GET4: variants seen among roughly 807,000 people sequenced by gnomAD.
The protein encoded by GET4 is guided entry of tail-anchored proteins factor 4.
GET4 carries 20 observed loss-of-function variants against 40.0 expected under a neutral mutation model. That is an observed-to-expected ratio of 0.50 (90% CI 0.35 to 0.73). The LOEUF (loss-of-function observed/expected upper bound fraction) is 0.73, where lower values mean the gene tolerates loss of function less well. Ranked by LOEUF, GET4 falls within the 30% of genes least tolerant of loss-of-function variation. GET4 has a pLI of 0.01. For synonymous variants in GET4, 280 were observed against 194.6 expected (o/e 1.44, Z -3.65); for missense variants, 557 against 454.0 (o/e 1.23, Z -2.06).
rs778616811 is a variant in GET4 at position 895,359 on chromosome 7, C to T, written c.921C>T (p.Gly307=). 1.7e-5 allele frequency: 27 copies of T among 1,591,372 alleles called. No homozygotes were observed. The highest frequency in any genetic ancestry group is 2.2e-5 in the Non-Finnish European group (26 of 1,161,670). The change falls in exon 9 of 9, where the codon GGC becomes GGT. Residue 307 remains glycine, a synonymous_variant. Coordinates refer to ENST00000265857, the MANE Select transcript of GET4 (RefSeq NM_015949.3). The part of the protein sequence containing the change: ...LLGNLLTSLM[G]SSEQEDGEES... ...GGAACCTTCTGACCAGCCTCATGGG[C>T]TCCTCAGAGCAGGAGGATGGGGAGG...
In GET4 at chr7:892,378, C is replaced by T. The variant is rs943149958; in HGVS notation, c.706C>T (p.Leu236=). 19 of 1,593,908 alleles carry T rather than the reference C, an allele frequency of 1.2e-5. No individual in the cohort carries two copies. Among genetic ancestry groups the T allele is most frequent in the Admixed American group, 3.3e-5 (2 of 59,780 alleles). ...IEDGPPFVEP[L]LNFIWFLLLA... is the part of the protein sequence containing the mutation. ...GGACGGGCCTCCGTTTGTGGAGCCG[C>T]TGCTTAACTTCATCTGGTTCCTGCT... Residue 236 remains leucine (L), a synonymous_variant, in exon 6 of 9, where the codon CTG becomes TTG. Coordinates refer to ENST00000265857, the MANE Select transcript of GET4 (RefSeq NM_015949.3).
intron 1 of GET4, chr7:885,723 C>T (rs1844174073): frequency 7.1e-6 from 2 of 282,208 alleles, no homozygotes; most frequent in South Asian, 9.0e-5. Context: ...ACATCCCCTG[C>T]TCCTTCCCTG....
chr7:884,424 CGGGGA>C, intron 1 of GET4: 3 of 1,203,804 alleles, frequency 2.5e-6, no homozygotes, highest in African/African-American at 1.6e-5. Flanking sequence ...CTTCACTGTG[CGGGGA>C]GCACAGCAAA....
chr7:891,117 G>C, intron 5 of GET4, 51 bp downstream of exon 5: 4 of 1,501,204 alleles, frequency 2.7e-6, no homozygotes, highest in East Asian at 4.6e-5. Flanking sequence ...GCCTTGGCTG[G>C]GCAGCCTTAG....
At chr7:888,771 G>A (rs1444807491) in intron 4 of GET4, among the ~76,000 whole-genome samples, 2 of 152,244 alleles carry the variant, frequency 1.3e-5, no homozygotes, top group Non-Finnish European at 2.9e-5. Flanking sequence ...AGCCAGCATG[G>A]CTCCACACAG....
intron 8 of GET4, among the ~76,000 whole-genome samples, chr7:894,628 G>C (rs1562899146): frequency 1.3e-5 from 2 of 152,112 alleles, no homozygotes; most frequent in Non-Finnish European, 2.9e-5. Flanking sequence ...GGAGCGCCCT[G>C]ACTCTTCTGA....
chr7:895,059 C>A (rs143849329), intron 8 of GET4, among the ~76,000 whole-genome samples: 2 of 151,834 alleles, frequency 1.3e-5, no homozygotes, highest in African/African-American at 2.4e-5. Flanking sequence ...TGTAGGCCCC[C>A]GTGGCTGCTC....
At chr7:893,665 A>AAG in intron 6 of GET4, 75 bp from the exon 7 acceptor site, 5 of 898,744 alleles carry the variant, frequency 5.6e-6, no homozygotes, top group South Asian at 1.4e-5. Flanking sequence ...TGTTGGGCGC[A>AAG]GGCGCGGTGG....
chr7:888,353 C>A (rs1231125999), intron 4 of GET4, among the ~76,000 whole-genome samples: 1 of 152,216 alleles, frequency 6.6e-6, no homozygotes, highest in Non-Finnish European at 1.5e-5. Context: ...CCCATCCGAC[C>A]TTGTCCCTGG....
chr7:883,985 G>A (rs995600304), intron 1 of GET4: 384 of 1,072,262 alleles, frequency 3.6e-4, no homozygotes, highest in Middle Eastern at 2.3e-3. Context: ...GGAGCCGGCT[G>A]CAAGGCGCAG....
intron 2 of GET4, 101 bp from the exon 3 acceptor site, chr7:886,468 C>A (rs58878897): frequency 1.6e-5 from 13 of 822,902 alleles, no homozygotes; most frequent in Non-Finnish European, 2.5e-5. Flanking sequence ...TCCTCAGCAC[C>A]GGCCGCACTC....
intron 4 of GET4, among the ~76,000 whole-genome samples, chr7:890,403 C>T (rs56134686): frequency 0.084 from 5,255 of 62,734 alleles, 1,218 homozygotes; most frequent in East Asian, 0.14. Flanking sequence ...GGAGTGTGAG[C>T]GGGTGTTAGG....
At chr7:877,505 G>GTCTCTC (rs1485776364) in intron 1 of GET4, among the ~76,000 whole-genome samples, 1 of 57,132 alleles carries the variant, frequency 1.8e-5, no homozygotes, top group African/African-American at 7.6e-5. Flanking sequence ...CCCACCCCCC[G>GTCTCTC]TCTCTCTCTC....
chr7:884,382 C>T (rs975435310), intron 1 of GET4: 1 of 1,298,166 alleles, frequency 7.7e-7, no homozygotes, highest in African/African-American at 1.5e-5. Flanking sequence ...GAGGCTCCTG[C>T]TGTGGTGTTG....
rs538321133 is a variant in GET4 at position 878,705 on chromosome 7, T to A, written c.155+1905T>A. On this transcript the variant is annotated intron_variant, in intron 1 of 8. Transcript: ENST00000265857. ...GCTATATTCTCCTGCCTCAGCCTCC[T>A]GAGTAGCTGGAATTACTGGCGCGCA... Among the ~76,000 whole-genome samples, 13 of 151,970 alleles carry A rather than the reference T, an allele frequency of 8.6e-5. No individual in the cohort carries two copies. The South Asian group carries it at 2.5e-3, about 29-fold the overall frequency.
In GET4 at chr7:893,740, T is replaced by C. The variant is rs1175407641; in HGVS notation, c.747T>C (p.Gly249=). 9 of 1,599,714 alleles carry C rather than the reference T, an allele frequency of 5.6e-6. No homozygotes were observed. The highest frequency in any genetic ancestry group is 7.7e-6 in the Non-Finnish European group (9 of 1,169,342). The change falls in exon 7 of 9, where the codon GGT becomes GGC. Residue 249 remains glycine (G), a splice_region_variant and synonymous_variant. Transcript: ENST00000265857. ...ACATCCCTGTGTGTCTCTGTCCCAG[T>C]GGGAAGCTGACGGTGTTCACTGTGC... ...FIWFLLLAVD[G]GKLTVFTVLC...
At chr7:894,867 C>T (rs928231303) in intron 8 of GET4, among the ~76,000 whole-genome samples, 29 of 152,328 alleles carry the variant, frequency 1.9e-4, no homozygotes, top group South Asian at 6.2e-4. Context: ...TGACAGTGAC[C>T]GCAGTTGGCC....
chr7:890,656 T>G (rs1482066087), intron 4 of GET4, among the ~76,000 whole-genome samples: 1 of 152,070 alleles, frequency 6.6e-6, no homozygotes, highest in Non-Finnish European at 1.5e-5. Context: ...CAACGAACAT[T>G]AGTGCAGTTG....
At chr7:878,416 C>G in intron 1 of GET4, 1 of 469,772 alleles carries the variant, frequency 2.1e-6, no homozygotes, top group East Asian at 7.0e-5. Flanking sequence ...GGAATTGGGT[C>G]TGTTTTAAAG....
Sources: gnomAD v4.1 joint callset for allele counts (sites outside exome capture counted in the v4.1 genomes callset) on GRCh38, gnomAD v4.1.1 for gene constraint, MANE v1.5 for transcripts, NCBI Gene and HGNC (gene_info 2026-07-23, HGNC 2026-07-21) for gene names.